Variants in ZBTB7C observed in about 807,000 individuals in gnomAD.
ZBTB7C encodes zinc finger and BTB domain containing 7C.
ZBTB7C carries 8 observed loss-of-function variants against 25.7 expected under a neutral mutation model. That is an observed-to-expected ratio of 0.31 (90% CI 0.18 to 0.56). ZBTB7C has a LOEUF of 0.56. Among genes scored for constraint, ZBTB7C ranks in the 20% least tolerant of loss-of-function variants. ZBTB7C has a pLI of 0.91. For missense variants in ZBTB7C, 824 were observed against 855.2 expected (o/e 0.96, Z 0.46); for synonymous variants, 394 against 369.0 (o/e 1.07, Z -0.78).
chr18:48,159,649 A>G (rs1333274593), intron 3 of ZBTB7C, among the ~76,000 whole-genome samples: 1 of 152,240 alleles, frequency 6.6e-6, no homozygotes, highest in Admixed American at 6.5e-5. Context: ...TACTACATGC[A>G]AAATATTATT....
At chr18:48,402,256 T>C (rs78930956) in intron 1 of ZBTB7C, among the ~76,000 whole-genome samples, 4,527 of 149,340 alleles carry the variant, frequency 0.03, 238 homozygotes, top group African/African-American at 0.1. Context: ...TGCTCTCTTA[T>C]TTTTAGGTAA....
At chr18:48,395,567 T>C (rs1039024206) in intron 1 of ZBTB7C, among the ~76,000 whole-genome samples, 7 of 152,042 alleles carry the variant, frequency 4.6e-5, no homozygotes, top group African/African-American at 1.7e-4. Flanking sequence ...TTTACCACCC[T>C]GACAAATGGC....
intron 2 of ZBTB7C, among the ~76,000 whole-genome samples, chr18:48,234,654 T>C (rs951947275): frequency 6.6e-6 from 1 of 152,242 alleles, no homozygotes; most frequent in South Asian, 2.1e-4. Flanking sequence ...GAATTGCTCA[T>C]GTGTGCTTGA....
At chr18:48,302,976 AG>A (rs146463615) in intron 2 of ZBTB7C, among the ~76,000 whole-genome samples, 17,404 of 152,264 alleles carry the variant, frequency 0.11, 1,118 homozygotes, top group Middle Eastern at 0.19. Context: ...GATGCAAGAC[AG>A]GGGAGGATGG....
In ZBTB7C at chr18:48,261,115, C is replaced by G. The variant is rs553509470; in HGVS notation, c.-78-75120G>C. ...GGATTGTAATGAAGAGTTCCAGGGG[C>G]AACAGCGGAATGTTTTAATTCATCG... On this transcript the variant is annotated intron_variant, in intron 2 of 4. Transcript: ENST00000590800. Among the ~76,000 whole-genome samples the G allele has an allele frequency of 3.9e-5, 6 of 152,284 alleles. No individual in the cohort carries two copies. The South Asian group carries it at 1.2e-3, about 32-fold the overall frequency.
Position 48,074,045 on chromosome 18 carries a change from G to A in ZBTB7C, c.-16-32922C>T, listed in dbSNP as rs553665621. On this transcript the variant is annotated intron_variant, in intron 3 of 4. Coordinates refer to ENST00000590800, the MANE Select transcript of ZBTB7C (RefSeq NM_001318841.2). ...TTTTTTTTTTTTCAGACGGAGTCTC[G>A]TTCTGTCACCCAGGCTGGAGTGCAG... Among the ~76,000 whole-genome samples the A allele has an allele frequency of 1.3e-4, 18 of 143,130 alleles. No homozygotes were observed. The South Asian group carries it at 1.5e-3, about 12-fold the overall frequency. The allele number at this position is 143,130 out of a possible 152,430, so 93.9% of individuals were successfully genotyped here.
At chr18:48,204,835 G>A (rs1455253711) in intron 2 of ZBTB7C, among the ~76,000 whole-genome samples, 1 of 152,160 alleles carries the variant, frequency 6.6e-6, no homozygotes, top group Non-Finnish European at 1.5e-5. Flanking sequence ...ACTCAGCCAG[G>A]AGCTCTCAAA....
chr18:48,211,962 G>A (rs1162917382), intron 2 of ZBTB7C, among the ~76,000 whole-genome samples: 1 of 152,156 alleles, frequency 6.6e-6, no homozygotes, highest in Non-Finnish European at 1.5e-5. Context: ...CGGGTGAATG[G>A]ATAAATAAAC....
At chr18:48,221,150 A>C (rs2145295770) in intron 2 of ZBTB7C, among the ~76,000 whole-genome samples, 1 of 146,176 alleles carries the variant, frequency 6.8e-6, no homozygotes, top group South Asian at 2.2e-4. Context: ...TCTCCTCTAT[A>C]TTGTCCTAGT....
intron 2 of ZBTB7C, among the ~76,000 whole-genome samples, chr18:48,231,467 C>G (rs1338852776): frequency 6.6e-6 from 1 of 152,112 alleles, no homozygotes; most frequent in African/African-American, 2.4e-5. Context: ...CAGTTACCCA[C>G]TGTGGGTCTC....
chr18:48,339,324 G>A (rs1049517153), intron 1 of ZBTB7C, among the ~76,000 whole-genome samples: 6 of 152,236 alleles, frequency 3.9e-5, no homozygotes, highest in African/African-American at 9.6e-5. Context: ...AGAAGAGACC[G>A]TGGCAGACGA....
chr18:48,039,207 A>G (rs890202330), intron 4 of ZBTB7C, among the ~76,000 whole-genome samples: 3 of 152,244 alleles, frequency 2.0e-5, no homozygotes, highest in Admixed American at 6.5e-5. Context: ...AAAGAGGAGA[A>G]CATAAAAAGA....
At chr18:48,096,280 A>T (rs576637468) in intron 3 of ZBTB7C, among the ~76,000 whole-genome samples, 6 of 152,308 alleles carry the variant, frequency 3.9e-5, no homozygotes, top group African/African-American at 1.4e-4. Context: ...AAACGGAATC[A>T]CAGGCCTGAT....
intron 2 of ZBTB7C, among the ~76,000 whole-genome samples, chr18:48,199,761 T>A (rs10460077): frequency 0.32 from 48,066 of 151,876 alleles, 7,812 homozygotes; most frequent in East Asian, 0.55. Context: ...CCATTTATAG[T>A]TAAGAGTAAG....
intron 3 of ZBTB7C, among the ~76,000 whole-genome samples, chr18:48,043,040 C>T (rs992551381): frequency 1.3e-5 from 2 of 150,426 alleles, no homozygotes; most frequent in Non-Finnish European, 2.9e-5. Flanking sequence ...TAAGACATCA[C>T]TACATACATA....
intron 2 of ZBTB7C, among the ~76,000 whole-genome samples, chr18:48,194,805 G>C (rs926526511): frequency 6.6e-6 from 1 of 151,720 alleles, no homozygotes; most frequent in Admixed American, 6.6e-5. Context: ...GATAGCTGTG[G>C]GGAAGGGAGA....
intron 3 of ZBTB7C, among the ~76,000 whole-genome samples, chr18:48,164,775 T>C (rs1446744128): frequency 6.6e-6 from 1 of 152,148 alleles, no homozygotes; most frequent in Admixed American, 6.5e-5. Flanking sequence ...GCTGTGCACT[T>C]GGAAGGAGCT....
chr18:48,138,258 G>A (rs1335556893), intron 3 of ZBTB7C, among the ~76,000 whole-genome samples: 1 of 152,230 alleles, frequency 6.6e-6, no homozygotes, highest in Admixed American at 6.5e-5. Flanking sequence ...GGATGAGGCT[G>A]TGCTTTGCAG....
At chr18:48,185,182 C>A (rs1568286578) in intron 3 of ZBTB7C, 3 of 332,332 alleles carry the variant, frequency 9.0e-6, no homozygotes, top group East Asian at 1.9e-4. Flanking sequence ...TAGGCATCCA[C>A]CCCTGTTCCT....
Sources: allele counts gnomAD v4.1 joint callset (sites outside exome capture counted in the v4.1 genomes callset), GRCh38; gene constraint gnomAD v4.1.1; transcripts MANE v1.5; gene names NCBI Gene and HGNC (gene_info 2026-07-23, HGNC 2026-07-21).